Variants in MSI1 observed in about 807,000 individuals in gnomAD.
The protein encoded by MSI1 is RNA-binding protein Musashi homolog 1.
MSI1 carries 15 observed loss-of-function variants against 54.4 expected under a neutral mutation model. The observed-to-expected ratio is 0.28, with a 90% CI of 0.18 to 0.42. The LOEUF (loss-of-function observed/expected upper bound fraction) is 0.42, where lower values mean the gene tolerates loss of function less well. Ranked by LOEUF, MSI1 falls within the 20% of genes least tolerant of loss-of-function variation. MSI1 has a pLI of 1.00. For synonymous variants in MSI1, 200 were observed against 196.5 expected (o/e 1.02, Z -0.15); for missense variants, 304 against 506.0 (o/e 0.60, Z 3.83).
At chr12:120,345,198 A>T (rs1383514120) in intron 14 of MSI1, among the ~76,000 whole-genome samples, 1 of 151,076 alleles carries the variant, frequency 6.6e-6, no homozygotes, top group Non-Finnish European at 1.5e-5. Context: ...CAAAAAAAGT[A>T]AAAAAATTAG....
At chr12:120,360,916 G>A (rs2136970113) in intron 6 of MSI1, among the ~76,000 whole-genome samples, 1 of 151,628 alleles carries the variant, frequency 6.6e-6, no homozygotes, top group African/African-American at 2.4e-5. Context: ...CACCCTCCTT[G>A]GTAGCTGGGA....
At chr12:120,358,732 G>A (rs971648847) in intron 7 of MSI1, among the ~76,000 whole-genome samples, 3 of 150,836 alleles carry the variant, frequency 2.0e-5, no homozygotes, top group East Asian at 3.9e-4. Flanking sequence ...CCCGGGCAGA[G>A]GCAGACACCA....
At chr12:120,362,343 C>T (rs1415974761) in intron 6 of MSI1, among the ~76,000 whole-genome samples, 1 of 152,170 alleles carries the variant, frequency 6.6e-6, no homozygotes, top group Non-Finnish European at 1.5e-5. Context: ...AGACTTCAAA[C>T]GTAGGACCCT....
In MSI1 at chr12:120,352,219, C is replaced by T. The variant is rs142354248; in HGVS notation, c.734-819G>A. 3.3e-5 allele frequency among the ~76,000 whole-genome samples: 5 copies of T among 152,084 alleles called. No homozygotes were observed. In the East Asian group the frequency reaches 9.7e-4, roughly 30 times the overall value. On this transcript the variant is annotated intron_variant, in intron 10 of 14. Coordinates refer to ENST00000257552, the MANE Select transcript of MSI1 (RefSeq NM_002442.4). Reference sequence around the variant, plus strand: ...ACAAGGCCTCACTATGTTGCCCAGGCTGATCTCAAACTCATGGGCTCAAGC... The same window carrying T: ...ACAAGGCCTCACTATGTTGCCCAGGTTGATCTCAAACTCATGGGCTCAAGC...
At chr12:120,353,203 C>T in intron 10 of MSI1, 96 bp downstream of exon 10, 1 of 1,198,988 alleles carries the variant, frequency 8.3e-7, no homozygotes, top group Admixed American at 1.8e-5. Context: ...AGCAAGCAGA[C>T]CCCCAGCCAT....
intron 7 of MSI1, among the ~76,000 whole-genome samples, chr12:120,358,258 G>C (rs1034311835): frequency 3.3e-5 from 5 of 152,168 alleles, no homozygotes; most frequent in African/African-American, 1.2e-4. Context: ...TTACACAAAG[G>C]TGTACATGTC....
At chr12:120,352,390 T>C (rs1041193897) in intron 10 of MSI1, among the ~76,000 whole-genome samples, 4 of 152,114 alleles carry the variant, frequency 2.6e-5, no homozygotes, top group African/African-American at 9.7e-5. Context: ...TGTGTGTGTG[T>C]GTTGGGGGAA....
chr12:120,348,202 C>A (rs1592926384), intron 11 of MSI1, among the ~76,000 whole-genome samples: 1 of 152,226 alleles, frequency 6.6e-6, no homozygotes, highest in Non-Finnish European at 1.5e-5. Context: ...AGGCACCTAT[C>A]CCCTTGTTTG....
At position 120,341,495 on chromosome 12, in the gene MSI1, G is replaced by A. The variant is rs1166309168; in HGVS notation, c.*1632C>T. 3 of 152,048 alleles carry A rather than the reference G, an allele frequency of 2.0e-5. No individual in the cohort carries two copies. Among genetic ancestry groups the A allele is most frequent in the African/African-American group, 7.3e-5 (3 of 41,276 alleles). 9.4% of individuals were successfully genotyped at this position (152,048 alleles called of 1,614,324 possible). A position where few individuals can be genotyped will look rare whatever the true frequency, so the allele number is the denominator to read the frequency against. Reference sequence around the variant, plus strand: ...AAATCCCAAAGCAAATCAGAAAACGGAATTCCAGGGTCCTGAGCCCATGGT... The same window carrying A: ...AAATCCCAAAGCAAATCAGAAAACGAAATTCCAGGGTCCTGAGCCCATGGT... On this transcript the variant is annotated 3_prime_UTR_variant, in exon 15 of 15. Transcript: ENST00000257552.
At chr12:120,359,505 T>C (rs933248401) in intron 6 of MSI1, among the ~76,000 whole-genome samples, 13 of 152,118 alleles carry the variant, frequency 8.5e-5, no homozygotes, top group African/African-American at 3.1e-4. Context: ...CAGACTGGAC[T>C]CCCCTCTCCG....
intron 4 of MSI1, among the ~76,000 whole-genome samples, chr12:120,365,592 A>G (rs1875967155): frequency 6.6e-6 from 1 of 152,294 alleles, no homozygotes; most frequent in East Asian, 1.9e-4. Context: ...TTGTCTGCAA[A>G]AGGCTACAAG....
Position 120,347,459 on chromosome 12 carries a change from C to G in MSI1, c.846G>C (p.Val282=). 1 of 1,614,100 alleles carries G rather than the reference C, an allele frequency of 6.2e-7. No individual in the cohort carries two copies. Among genetic ancestry groups the G allele is most frequent in the East Asian group, 2.2e-5 (1 of 44,880 alleles). The change falls in exon 12 of 15, where the codon GTG becomes GTC. Residue 282 remains valine (V), a synonymous_variant. Coordinates refer to ENST00000257552, the MANE Select transcript of MSI1 (RefSeq NM_002442.4). The part of the protein sequence containing the change: ...PMAAAAAAAA[V]VRGTGSHPWT... ...AGAAGAGCTCACCTGTCCCTCGAAC[C>G]ACAGCCGCTGCCGCCGCTGCCGCCG...
chr12:120,347,849 C>T (rs1228050853), intron 11 of MSI1, among the ~76,000 whole-genome samples: 1 of 151,876 alleles, frequency 6.6e-6, no homozygotes, highest in Non-Finnish European at 1.5e-5. Context: ...AGGTTGCCCG[C>T]AGCTGCCCCC....
At chr12:120,367,843 C>G (rs1018849617) in intron 4 of MSI1, among the ~76,000 whole-genome samples, 165 bp downstream of exon 4, 5 of 152,050 alleles carry the variant, frequency 3.3e-5, no homozygotes, top group African/African-American at 9.7e-5. Context: ...CCCTCTCCCC[C>G]CCAACTCTAG....
downstream of MSI1, among the ~76,000 whole-genome samples, chr12:120,339,784 T>C (rs916826906): frequency 6.6e-6 from 1 of 150,432 alleles, no homozygotes; most frequent in African/African-American, 2.5e-5. Flanking sequence ...TTAAAGTAAT[T>C]CTTTTTTTTT....
At chr12:120,360,977 T>A (rs1413044102) in intron 6 of MSI1, among the ~76,000 whole-genome samples, 1 of 152,120 alleles carries the variant, frequency 6.6e-6, no homozygotes, top group Non-Finnish European at 1.5e-5. Context: ...AGTGAGATAG[T>A]GCATGTAACA....
intron 4 of MSI1, among the ~76,000 whole-genome samples, chr12:120,365,697 C>G (rs1875972249): frequency 6.6e-6 from 1 of 152,162 alleles, no homozygotes; most frequent in South Asian, 2.1e-4. Flanking sequence ...GCAAACAGCT[C>G]CTTGATAATG....
At chr12:120,352,936 T>C (rs1874754668) in intron 10 of MSI1, among the ~76,000 whole-genome samples, 1 of 152,158 alleles carries the variant, frequency 6.6e-6, no homozygotes, top group Admixed American at 6.5e-5. Context: ...TATAGGTGTC[T>C]GTGATGATGC....
intron 7 of MSI1, among the ~76,000 whole-genome samples, chr12:120,358,658 G>C (rs1341326715): frequency 6.6e-6 from 1 of 152,056 alleles, no homozygotes; most frequent in Non-Finnish European, 1.5e-5. Flanking sequence ...ACTGCCTGGG[G>C]CTGTGGAGTC....
Sources: gnomAD v4.1 joint callset for allele counts (sites outside exome capture counted in the v4.1 genomes callset) on GRCh38, gnomAD v4.1.1 for gene constraint, MANE v1.5 for transcripts, NCBI Gene and HGNC (gene_info 2026-07-23, HGNC 2026-07-21) for gene names.